Variants in UPF3B observed in about 807,000 individuals in gnomAD.
The protein encoded by UPF3B is regulator of nonsense transcripts 3B.
Under a neutral mutation model 40.3 loss-of-function variants are expected in UPF3B, and 7 were observed. That is an observed-to-expected ratio of 0.17 (90% confidence interval 0.10 to 0.33). The LOEUF (loss-of-function observed/expected upper bound fraction) is 0.33. Among genes scored for constraint, UPF3B ranks in the 10% least tolerant of loss-of-function variants. The pLI is 1.00. For synonymous variants in UPF3B, 117 were observed against 117.3 expected (o/e 1.00, Z 0.01); for missense variants, 229 against 358.9 (o/e 0.64, Z 2.93).
chrX:119,823,791 T>C (rs1047775155), intron 3 of UPF3B, among the ~76,000 whole-genome samples: 2 of 110,612 alleles, frequency 1.8e-5, no homozygotes, highest in Non-Finnish European at 3.8e-5. Flanking sequence ...CTCACACTCC[T>C]GACCTCAAGT....
At position 119,838,650 on chromosome X, in the gene UPF3B, T is replaced by C; in HGVS notation, c.847-123A>G. 7 of 682,703 alleles carry C rather than the reference T, an allele frequency of 1.0e-5. No individual in the cohort carries two copies. In the South Asian group the frequency reaches 1.7e-4, roughly 17 times the overall value. The allele number at this position is 682,703 out of a possible 1,213,427, so 56.3% of individuals were successfully genotyped here. ...AGCCCCCTATCTCTGCAGGTACACT[T>C]AATCTTTCAGGTGAACAACTAGTGC... On this transcript the variant is annotated intron_variant, in intron 8 of 10. Transcript: ENST00000276201.
At chrX:119,847,404 G>A (rs1341020078) in intron 3 of UPF3B, among the ~76,000 whole-genome samples, 2 of 109,750 alleles carry the variant, frequency 1.8e-5, no homozygotes, top group South Asian at 3.9e-4. Context: ...GGAAGATCGC[G>A]CCATTGTACT....
chrX:119,807,857 C>A (rs1183097983), intron 5 of UPF3B, among the ~76,000 whole-genome samples: 2 of 111,361 alleles, frequency 1.8e-5, no homozygotes, highest in Non-Finnish European at 3.8e-5. Flanking sequence ...GCAAGTGGCA[C>A]AATTGCAGCT....
intron 6 of UPF3B, among the ~76,000 whole-genome samples, chrX:119,805,663 G>C (rs1239245288): frequency 1.8e-5 from 2 of 111,433 alleles, no homozygotes; most frequent in South Asian, 3.7e-4. Context: ...CCATCAAAAA[G>C]TGGGCTAAGG....
chrX:119,825,035 A>G (rs1156657303), intron 3 of UPF3B, among the ~76,000 whole-genome samples: 2 of 111,216 alleles, frequency 1.8e-5, no homozygotes, highest in Admixed American at 1.9e-4. Flanking sequence ...CCAAAGTGCT[A>G]GGATTACAGG....
At chrX:119,852,663 A>G in intron 1 of UPF3B, 110 bp downstream of exon 1, 1 of 1,104,206 alleles carries the variant, frequency 9.1e-7, no homozygotes, top group Non-Finnish European at 1.2e-6. Context: ...ATTCAGGCGA[A>G]GAGATAGAAG....
downstream of UPF3B, among the ~76,000 whole-genome samples, chrX:119,833,385 G>A (rs1259350852): frequency 9.0e-6 from 1 of 111,305 alleles, no homozygotes; most frequent in Admixed American, 9.6e-5. Context: ...TGTAACCAAG[G>A]CTGGAGTGCA....
downstream of UPF3B, among the ~76,000 whole-genome samples, chrX:119,833,221 C>A (rs993482258): frequency 8.9e-6 from 1 of 112,603 alleles, no homozygotes; most frequent in Non-Finnish European, 1.9e-5. Context: ...TCTGAGTTGT[C>A]TCCATACTAC....
intron 3 of UPF3B, among the ~76,000 whole-genome samples, chrX:119,850,884 G>A (rs1039741196): frequency 1.8e-5 from 2 of 111,895 alleles, no homozygotes; most frequent in Non-Finnish European, 3.8e-5. Context: ...GATTACAGGC[G>A]TGGACCGCCA....
downstream of UPF3B, among the ~76,000 whole-genome samples, chrX:119,829,222 A>C (rs1396801551): frequency 9.0e-6 from 1 of 111,707 alleles, no homozygotes; most frequent in East Asian, 2.8e-4. Context: ...GGCTTTCACC[A>C]TATTGGCCAG....
At chrX:119,807,765 T>A (rs1224918277) in intron 5 of UPF3B, among the ~76,000 whole-genome samples, 1 of 111,354 alleles carries the variant, frequency 9.0e-6, no homozygotes, top group East Asian at 2.8e-4. Context: ...AAAGCAACCA[T>A]TTTATAATTA....
At position 119,837,932 on chromosome X, in the gene UPF3B, T is replaced by G. The variant is rs758139177; in HGVS notation, c.1127A>C (p.Gln376Pro). 1 of 1,211,208 alleles carries G rather than the reference T, an allele frequency of 8.3e-7. No individual in the cohort carries two copies. The highest frequency in any genetic ancestry group is 2.2e-5 in the Admixed American group (1 of 45,933). The change falls in exon 10 of 11, where the codon CAG becomes CCG. Residue 376 changes from glutamine (Q) to proline (P), a missense_variant. Transcript: ENST00000276201. Reference sequence around the variant, plus strand: ...CTTCTCTTTCTCATAGCGCTCCTTCTGCCTACGGCGCTCTTCTTCTTGCCG... The same window carrying G: ...CTTCTCTTTCTCATAGCGCTCCTTCGGCCTACGGCGCTCTTCTTCTTGCCG... ...LKRQEEERRR[Q>P]KERYEKEKTF... is the part of the protein sequence containing the mutation.
At chrX:119,841,609 C>A in intron 6 of UPF3B, 126 bp downstream of exon 6, 1 of 717,159 alleles carries the variant, frequency 1.4e-6, no homozygotes, top group Non-Finnish European at 2.2e-6. Context: ...GAAGGCAAAT[C>A]CTTAAAGAGT....
intron 4 of UPF3B, among the ~76,000 whole-genome samples, chrX:119,819,336 G>A (rs1197242085): frequency 9.0e-6 from 1 of 111,207 alleles, no homozygotes; most frequent in African/African-American, 3.3e-5. Flanking sequence ...ACAGGCATGA[G>A]CCACCGTGCC....
chrX:119,809,582 T>A (rs1293925433), intron 5 of UPF3B, among the ~76,000 whole-genome samples: 1 of 111,011 alleles, frequency 9.0e-6, no homozygotes, highest in African/African-American at 3.3e-5. Context: ...ATTAGCCAGG[T>A]GTGGTGGTTC....
chrX:119,818,251 T>A (rs748754866), intron 4 of UPF3B, among the ~76,000 whole-genome samples: 1 of 110,019 alleles, frequency 9.1e-6, no homozygotes, highest in African/African-American at 3.3e-5. Context: ...GGCAACAGAA[T>A]GAGACTCCGT....
At chrX:119,814,859 C>CTTTTTTTTTT (rs140201169) in intron 5 of UPF3B, among the ~76,000 whole-genome samples, 1 of 46,261 alleles carries the variant, frequency 2.2e-5, no homozygotes, top group African/African-American at 7.6e-5. Flanking sequence ...TTCTTTCTTT[C>CTTTTTTTTTT]TTTTTTTTTT....
At chrX:119,833,006 A>AC (rs775695260), downstream of UPF3B, among the ~76,000 whole-genome samples, 21 of 110,771 alleles carry the variant, frequency 1.9e-4, no homozygotes, top group Non-Finnish European at 4.0e-4. Context: ...ATCCTTTTTC[A>AC]CTTCCCTGGA....
chrX:119,817,166 G>A (rs983423413), intron 4 of UPF3B, among the ~76,000 whole-genome samples: 66 of 110,601 alleles, frequency 6.0e-4, no homozygotes, highest in Non-Finnish European at 1.1e-3. Flanking sequence ...GATGGGTTTC[G>A]CCATGTTTGC....
Sources: allele counts gnomAD v4.1 joint callset (sites outside exome capture counted in the v4.1 genomes callset), GRCh38; gene constraint gnomAD v4.1.1; transcripts MANE v1.5; gene names NCBI Gene and HGNC (gene_info 2026-07-23, HGNC 2026-07-21).